PDLIM7: variants seen among roughly 807,000 people sequenced by gnomAD.
PDLIM7 encodes the protein PDZ and LIM domain protein 7.
PDLIM7 carries 37 observed loss-of-function variants against 53.9 expected under a neutral mutation model. The ratio of observed to expected loss-of-function variants is 0.69; its 90% CI spans 0.53 to 0.90. The LOEUF (loss-of-function observed/expected upper bound fraction) is 0.90. PDLIM7 is among the 40% of genes least tolerant of loss of function. PDLIM7 has a pLI of 0.00. For synonymous variants in PDLIM7, 300 were observed against 261.3 expected (o/e 1.15, Z -1.43); for missense variants, 617 against 638.5 (o/e 0.97, Z 0.36).
intron 10 of PDLIM7, 59 bp downstream of exon 10, chr5:177,488,009 C>A: frequency 6.6e-7 from 1 of 1,504,760 alleles, no homozygotes; most frequent in Non-Finnish European, 8.9e-7. Context: ...GGTTTCCCAG[C>A]AGCCCTCGTT....
rs1265120007 is a variant in PDLIM7, at chr5:177,490,251, C to T, written c.573-419G>A. ...TAGAAGACAGGCAGAGCAAGCAGGG[C>T]TGAGAATGTTTATTCCATGCCCAAG... is the stretch of plus-strand genomic sequence containing the variant. On this transcript the variant is annotated intron_variant, in intron 7 of 12. Transcript: ENST00000355841. 2.8e-6 allele frequency: 4 copies of T among 1,447,918 alleles called. No individual in the cohort carries two copies. The African/African-American group carries it at 4.3e-5, about 15-fold the overall frequency. 89.7% of individuals were successfully genotyped at this position (1,447,918 alleles called of 1,614,324 possible).
intron 7 of PDLIM7, chr5:177,490,183 C>G: frequency 6.9e-7 from 1 of 1,446,752 alleles, no homozygotes; most frequent in South Asian, 1.4e-5. Flanking sequence ...GTCCGAACCA[C>G]GAAACACCCC....
chr5:177,486,274 T>A (rs1029004185), intron 10 of PDLIM7, among the ~76,000 whole-genome samples: 7 of 152,166 alleles, frequency 4.6e-5, no homozygotes, highest in Non-Finnish European at 8.8e-5. Context: ...TGAAACAGTG[T>A]GGGCCAAGCA....
At chr5:177,490,372 G>A (rs1446863414) in intron 7 of PDLIM7, 2 of 1,463,116 alleles carry the variant, frequency 1.4e-6, no homozygotes, top group Non-Finnish European at 1.8e-6. Flanking sequence ...GCCAGCAGGA[G>A]GCTCAGGCCA....
intron 7 of PDLIM7, 32 bp downstream of exon 7, chr5:177,490,838 G>A: frequency 1.2e-6 from 2 of 1,612,736 alleles, no homozygotes; most frequent in South Asian, 1.1e-5. Flanking sequence ...AGAGGCAGGA[G>A]GTGGGAGAGG....
At chr5:177,485,487 CT>C (rs1758394257) in intron 10 of PDLIM7, among the ~76,000 whole-genome samples, 2 of 152,240 alleles carry the variant, frequency 1.3e-5, no homozygotes, top group South Asian at 4.1e-4. Flanking sequence ...GTCTTGGTTT[CT>C]TCCCTTGTGA....
chr5:177,497,041 G>A (rs555174996), intron 1 of PDLIM7, among the ~76,000 whole-genome samples: 7 of 145,378 alleles, frequency 4.8e-5, no homozygotes, highest in African/African-American at 1.7e-4. Context: ...GGAGGGGAGG[G>A]GAGGGAGGCG....
chr5:177,496,353 A>C, intron 2 of PDLIM7, 64 bp downstream of exon 2: 1 of 1,237,046 alleles, frequency 8.1e-7, no homozygotes, highest in Non-Finnish European at 1.1e-6. Flanking sequence ...TCCCCCCATC[A>C]CCCTCTGGAG....
At chr5:177,490,488 A>G (rs750516267) in intron 7 of PDLIM7, 54 of 1,551,234 alleles carry the variant, frequency 3.5e-5, no homozygotes, top group Non-Finnish European at 4.6e-5. Context: ...CCGGCTGGAG[A>G]GGGCCGGGCT....
rs151056519 is a variant in PDLIM7 at position 177,483,894 on chromosome 5, G to A, written c.1260C>T (p.Ser420=). ...CACAGACGAAGCAGGTGTCATGCCA[G>A]CTGAAGCCCAGGGCCTCCAGGAAGC... The part of the protein sequence containing the change: ...GDRFLEALGF[S]WHDTCFVCAI... Residue 420 remains serine, a synonymous_variant, in exon 12 of 13, where the codon AGC becomes AGT. Coordinates refer to ENST00000355841, the MANE Select transcript of PDLIM7 (RefSeq NM_005451.5). 4.3e-6 allele frequency: 7 copies of A among 1,613,628 alleles called. No homozygotes were observed. In the African/African-American group the frequency reaches 6.7e-5, roughly 15 times the overall value.
At chr5:177,487,630 A>C (rs1057107710) in intron 10 of PDLIM7, among the ~76,000 whole-genome samples, 1 of 152,254 alleles carries the variant, frequency 6.6e-6, no homozygotes, top group Non-Finnish European at 1.5e-5. Context: ...TGAGTTTCCC[A>C]CTGCTCGTGG....
chr5:177,486,666 T>A (rs1386879222), intron 10 of PDLIM7, among the ~76,000 whole-genome samples: 1 of 151,936 alleles, frequency 6.6e-6, no homozygotes, highest in Non-Finnish European at 1.5e-5. Context: ...GAGACAAGAG[T>A]CTCGCTCTGT....
intron 1 of PDLIM7, 115 bp downstream of exon 1, chr5:177,497,413 G>A (rs1462995099): frequency 6.6e-6 from 1 of 152,058 alleles, no homozygotes; most frequent in Non-Finnish European, 1.5e-5. Context: ...CAGGGGCCAG[G>A]GCCAGCGGGA....
chr5:177,491,340 AG>A (rs1465588562), intron 5 of PDLIM7, 194 bp from the exon 6 acceptor site: 2 of 1,536,772 alleles, frequency 1.3e-6, no homozygotes, highest in Non-Finnish European at 1.8e-6. Flanking sequence ...CAGGGTGGGG[AG>A]GGGCCGCCAC....
chr5:177,492,255 C>A, intron 4 of PDLIM7, 150 bp downstream of exon 4: 1 of 966,344 alleles, frequency 1.0e-6, no homozygotes, highest in Non-Finnish European at 1.5e-6. Context: ...CCTGGCTCAA[C>A]TCCAGGGCCC....
At position 177,496,434 on chromosome 5, in the gene PDLIM7, G is replaced by A. The variant is rs1211322136; in HGVS notation, c.79C>T (p.Pro27Ser). ...RLQGGKDFNVPLSISRLTPGG... is the reference protein window; with the variant it reads ...RLQGGKDFNVSLSISRLTPGG... Reference sequence around the variant, plus strand: ...AGGCTCACCCGGGAAATGGAGAGGGGCACATTGAAGTCCTTGCCCCCTTGC... The same window carrying A: ...AGGCTCACCCGGGAAATGGAGAGGGACACATTGAAGTCCTTGCCCCCTTGC... The change falls in exon 2 of 13, where the codon CCC becomes TCC. Residue 27 changes from proline (P) to serine (S), a missense_variant. By Grantham distance (74) the Pro-to-Ser change is moderately conservative (BLOSUM62 -1). Transcript: ENST00000355841. The A allele has an allele frequency of 6.3e-7, 1 of 1,598,122 alleles. No individual in the cohort carries two copies. Among genetic ancestry groups the A allele is most frequent in the Non-Finnish European group, 8.5e-7 (1 of 1,172,104 alleles).
At chr5:177,491,705 C>T in intron 5 of PDLIM7, 102 bp downstream of exon 5, 1 of 719,162 alleles carries the variant, frequency 1.4e-6, no homozygotes, top group Admixed American at 3.6e-5. Flanking sequence ...CGCACGGTTC[C>T]GCCGGGCTGG....
chr5:177,497,030 G>GGGAGGGGAGGGGAGA (rs1269518368), intron 1 of PDLIM7, among the ~76,000 whole-genome samples: 9 of 144,196 alleles, frequency 6.2e-5, no homozygotes, highest in African/African-American at 2.3e-4. Context: ...GGGAGGGGAG[G>GGGAGGGGAGGGGAGA]GGAGGGGAGG....
chr5:177,492,454 G>A lies in PDLIM7; in HGVS notation c.249-19C>T, dbSNP rs752894999. 11 of 1,613,566 alleles carry A rather than the reference G, an allele frequency of 6.8e-6. No individual in the cohort carries two copies. The highest frequency in any genetic ancestry group is 1.7e-5 in the Admixed American group (1 of 59,978). On this transcript the variant is annotated intron_variant, in intron 3 of 12. Transcript: ENST00000355841. The stretch of plus-strand genomic sequence containing the variant: ...CTGGGCCCTGGAGGAGAAGGAAAGC[G>A]TGACAGCGGGCCGGGCCCGCAGGGA...
Sources: gnomAD v4.1 joint callset for allele counts (sites outside exome capture counted in the v4.1 genomes callset) on GRCh38, gnomAD v4.1.1 for gene constraint, MANE v1.5 for transcripts, NCBI Gene and HGNC (gene_info 2026-07-23, HGNC 2026-07-21) for gene names.